FHIP1A: variants seen among roughly 807,000 people sequenced by gnomAD.
FHIP1A encodes the protein FHF complex subunit HOOK-interacting protein 1A.
A neutral mutation model predicts 88.6 loss-of-function variants in FHIP1A; 61 were observed. That is an observed-to-expected ratio of 0.69 (90% CI 0.56 to 0.85). FHIP1A has a LOEUF of 0.85. FHIP1A is among the 40% of genes least tolerant of loss of function. The probability of loss-of-function intolerance (pLI) is 0.00; values close to 1 mark genes in which losing one functional copy is unlikely to be tolerated. For synonymous variants in FHIP1A, 478 were observed against 496.0 expected, an observed-to-expected ratio of 0.96 and a Z score of 0.48; for missense variants, 1,154 against 1,273.5, an observed-to-expected ratio of 0.91 and a Z score of 1.43.
intron 1 of FHIP1A, among the ~76,000 whole-genome samples, chr4:151,416,027 G>A (rs956722455): frequency 7.2e-5 from 11 of 152,046 alleles, no homozygotes; most frequent in Admixed American, 7.2e-4. Flanking sequence ...AGGTTTTGCA[G>A]AATGCAGAGT....
At chr4:151,557,706 A>C (rs1408477449) in intron 3 of FHIP1A, among the ~76,000 whole-genome samples, 1 of 152,220 alleles carries the variant, frequency 6.6e-6, no homozygotes, top group African/African-American at 2.4e-5. Context: ...GCTGTGGCAG[A>C]GAAGTTGCTC....
chr4:151,656,757 C>T lies in FHIP1A; in HGVS notation c.2731-3C>T, dbSNP rs1467874247. ...TTAACATCAGTAATGCTGTTTTTGA[C>T]AGGTCCTTGCATCTGTGAAAAACAA... On this transcript the variant is annotated splice_region_variant and splice_polypyrimidine_tract_variant and intron_variant, in intron 12 of 13. Transcript: ENST00000435205. The surrounding 1 kb of genome is among the most constrained non-coding windows in gnomAD (Gnocchi z 4.2). The T allele has an allele frequency of 6.5e-7, 1 of 1,548,556 alleles. No individual in the cohort carries two copies. Among genetic ancestry groups the T allele is most frequent in the Non-Finnish European group, 8.7e-7 (1 of 1,145,900 alleles).
intron 3 of FHIP1A, among the ~76,000 whole-genome samples, chr4:151,544,040 A>C (rs527981715): frequency 6.6e-6 from 1 of 152,324 alleles, no homozygotes; most frequent in African/African-American, 2.4e-5. Flanking sequence ...GTTGAACCAA[A>C]GTGCTTAGGG....
At chr4:151,486,022 G>GATC (rs1730070246) in intron 3 of FHIP1A, among the ~76,000 whole-genome samples, 1 of 152,192 alleles carries the variant, frequency 6.6e-6, no homozygotes, top group African/African-American at 2.4e-5. Context: ...TTCCATCTGA[G>GATC]ATCATCAGGC....
intron 1 of FHIP1A, among the ~76,000 whole-genome samples, chr4:151,419,171 C>T (rs1188082527): frequency 6.6e-6 from 1 of 152,102 alleles, no homozygotes; most frequent in Non-Finnish European, 1.5e-5. Context: ...AGCAGACTGC[C>T]CTCCCCAGTG....
At chr4:151,514,000 A>C (rs1037239820) in intron 3 of FHIP1A, among the ~76,000 whole-genome samples, 2 of 150,754 alleles carry the variant, frequency 1.3e-5, no homozygotes, top group Non-Finnish European at 3.0e-5. Flanking sequence ...CAGAATATAC[A>C]TTTTTTTCAG....
intron 2 of FHIP1A, among the ~76,000 whole-genome samples, chr4:151,478,504 A>G (rs1370317340): frequency 6.6e-6 from 1 of 152,174 alleles, no homozygotes; most frequent in East Asian, 1.9e-4. Flanking sequence ...TCATCTCATT[A>G]TAAATACTGC....
rs1580681621 is a variant in FHIP1A at position 151,537,122 on chromosome 4, C to A, written c.-122-29016C>A. Among the ~76,000 whole-genome samples the A allele has an allele frequency of 4.6e-5, 7 of 152,222 alleles. No individual in the cohort carries two copies. In the South Asian group the frequency reaches 1.2e-3, roughly 27 times the overall value. On this transcript the variant is annotated intron_variant, in intron 3 of 13. Coordinates refer to ENST00000435205, the MANE Select transcript of FHIP1A (RefSeq NM_001109977.3). ...TGAACTCCTGGGCTTATGTGATCCT[C>A]CCTCCTCAGCCTCCCAAAGTGCTGG...
chr4:151,649,840 A>C lies in FHIP1A; in HGVS notation c.1799A>C (p.Asp600Ala), dbSNP rs1736944442. 6.4e-7 allele frequency: 1 copy of C among 1,551,592 alleles called. No individual in the cohort carries two copies. The highest frequency in any genetic ancestry group is 1.4e-5 in the African/African-American group (1 of 73,128). The change falls in exon 11 of 14, where the codon GAT becomes GCT. Residue 600 changes from aspartate (D) to alanine (A), a missense_variant. Asp to Ala is a moderately radical substitution (Grantham distance 126, BLOSUM62 -2). Transcript: ENST00000435205. The stretch of plus-strand genomic sequence containing the variant: ...GACGTGGGCTCCCCAGGGCCTTATG[A>C]TGATCTGGAGGTTTCAGGCCCCCCA... ...GADVGSPGPY[D>A]DLEVSGPPAP...
At chr4:151,467,303 T>C (rs1473177379) in intron 2 of FHIP1A, among the ~76,000 whole-genome samples, 1 of 152,096 alleles carries the variant, frequency 6.6e-6, no homozygotes, top group Non-Finnish European at 1.5e-5. Context: ...AGAATGGTGA[T>C]TATTAAAAAG....
At chr4:151,660,521 T>G (rs1737418778) in intron 13 of FHIP1A, among the ~76,000 whole-genome samples, 1 of 152,206 alleles carries the variant, frequency 6.6e-6, no homozygotes, top group African/African-American at 2.4e-5. Flanking sequence ...CTTCACTCAT[T>G]TATTCAGCAA....
chr4:151,623,561 T>A (rs1334266949), intron 7 of FHIP1A, among the ~76,000 whole-genome samples: 1 of 151,348 alleles, frequency 6.6e-6, no homozygotes, highest in African/African-American at 2.4e-5. Flanking sequence ...TTTGGCTTAT[T>A]TTAAACTGAT....
At chr4:151,464,288 G>C (rs1466761390) in intron 2 of FHIP1A, among the ~76,000 whole-genome samples, 1 of 152,156 alleles carries the variant, frequency 6.6e-6, no homozygotes, top group African/African-American at 2.4e-5. Context: ...CAAATCTGGT[G>C]GTTTTTAAGC....
chr4:151,489,359 C>A (rs1383186856), intron 3 of FHIP1A, among the ~76,000 whole-genome samples: 1 of 152,154 alleles, frequency 6.6e-6, no homozygotes, highest in African/African-American at 2.4e-5. Flanking sequence ...GGGAAGGCAG[C>A]CAGCAGAATT....
At chr4:151,442,299 G>C (rs759767852) in intron 1 of FHIP1A, among the ~76,000 whole-genome samples, 1 of 151,966 alleles carries the variant, frequency 6.6e-6, no homozygotes, top group Non-Finnish European at 1.5e-5. Context: ...GTCAGAGTTT[G>C]TTGGTTGCAA....
intron 1 of FHIP1A, among the ~76,000 whole-genome samples, chr4:151,444,894 G>T (rs1728536684): frequency 6.6e-6 from 1 of 152,148 alleles, no homozygotes; most frequent in African/African-American, 2.4e-5. Flanking sequence ...ATGTGTGTGG[G>T]TATTTCTCAC....
chr4:151,479,202 A>G (rs1191798498), intron 2 of FHIP1A, among the ~76,000 whole-genome samples: 1 of 152,080 alleles, frequency 6.6e-6, no homozygotes, highest in African/African-American at 2.4e-5. Flanking sequence ...AGAAGACAGT[A>G]TTACTGTGGG....
intron 9 of FHIP1A, among the ~76,000 whole-genome samples, chr4:151,642,455 AAAC>A (rs201679670): frequency 1.7e-3 from 264 of 151,810 alleles, no homozygotes; most frequent in African/African-American, 6.0e-3. Context: ...GAGGAAAGGA[AAAC>A]AACAACAACA....
intron 2 of FHIP1A, among the ~76,000 whole-genome samples, chr4:151,461,986 A>G (rs2126601238): frequency 6.6e-6 from 1 of 151,984 alleles, no homozygotes; most frequent in African/African-American, 2.4e-5. Context: ...AACAAGGGAG[A>G]CTCTGTCCCT....
Sources: allele counts gnomAD v4.1 joint callset (sites outside exome capture counted in the v4.1 genomes callset), GRCh38; gene constraint gnomAD v4.1.1; non-coding constraint Gnocchi (gnomAD v3.1); transcripts MANE v1.5; gene names NCBI Gene and HGNC (gene_info 2026-07-23, HGNC 2026-07-21).